DCLK1: variants seen among roughly 807,000 people sequenced by gnomAD.
DCLK1 encodes serine/threonine-protein kinase DCLK1.
In DCLK1, 16 loss-of-function variants were observed where a neutral mutation model predicts 86.2. The ratio of observed to expected loss-of-function variants is 0.19; its 90% CI spans 0.13 to 0.28. The LOEUF (loss-of-function observed/expected upper bound fraction) is 0.28. DCLK1 is among the 10% of genes least tolerant of loss of function. The pLI is 1.00. For missense variants in DCLK1, 590 were observed against 940.2 expected, an observed-to-expected ratio of 0.63 and a Z score of 4.87; for synonymous variants, 369 against 370.5, an observed-to-expected ratio of 1.00 and a Z score of 0.05.
At chr13:35,901,020 T>C (rs1435883670) in intron 4 of DCLK1, among the ~76,000 whole-genome samples, 1 of 152,050 alleles carries the variant, frequency 6.6e-6, no homozygotes, top group Non-Finnish European at 1.5e-5. Flanking sequence ...GTTGAGACAG[T>C]GAGAAAGAAA....
chr13:36,119,358 A>C (rs531452113), intron 2 of DCLK1, among the ~76,000 whole-genome samples: 5 of 152,302 alleles, frequency 3.3e-5, no homozygotes, highest in Non-Finnish European at 7.3e-5. Flanking sequence ...GGGAAAAGAA[A>C]ATCACCATTA....
chr13:36,085,788 G>C (rs1363678947), intron 3 of DCLK1, among the ~76,000 whole-genome samples: 1 of 151,312 alleles, frequency 6.6e-6, no homozygotes, highest in East Asian at 2.0e-4. Flanking sequence ...AGGGCAAAAA[G>C]AGAGACACAT....
rs934912562 is a variant in DCLK1 at position 35,771,339 on chromosome 13, G to A, written c.*3196C>T. The A allele has an allele frequency of 6.6e-6, 1 of 152,126 alleles. No homozygotes were observed. 9.4% of individuals were successfully genotyped at this position (152,126 alleles called of 1,614,324 possible). On this transcript the variant is annotated 3_prime_UTR_variant, in exon 17 of 17. Coordinates refer to ENST00000360631, the MANE Select transcript of DCLK1 (RefSeq NM_001330071.2). ...GGTCTCATTGAACACAAAACACCAA[G>A]TGTTTTCAGTAGTTTATTCACATTT...
chr13:35,897,738 T>G (rs1476557576), intron 4 of DCLK1, among the ~76,000 whole-genome samples: 1 of 152,146 alleles, frequency 6.6e-6, no homozygotes, highest in Non-Finnish European at 1.5e-5. Flanking sequence ...ACATTTTAAA[T>G]CATCCACTTA....
chr13:36,107,720 GA>G (rs1885449888), intron 3 of DCLK1, among the ~76,000 whole-genome samples: 1 of 152,094 alleles, frequency 6.6e-6, no homozygotes, highest in Admixed American at 6.6e-5. Context: ...ACGGATTCAA[GA>G]ACCACAGATT....
At chr13:35,998,601 T>C (rs914515649) in intron 3 of DCLK1, among the ~76,000 whole-genome samples, 4 of 152,140 alleles carry the variant, frequency 2.6e-5, no homozygotes, top group South Asian at 2.1e-4. Flanking sequence ...AAAATATTCT[T>C]CCCTCTCTCC....
intron 15 of DCLK1, among the ~76,000 whole-genome samples, chr13:35,802,241 A>G (rs2086935088): frequency 6.6e-6 from 1 of 151,340 alleles, no homozygotes; most frequent in Admixed American, 6.6e-5. Flanking sequence ...CTGAGGCGGG[A>G]GGATTGCCTG....
chr13:35,818,883 A>T (rs2087330949), intron 11 of DCLK1, among the ~76,000 whole-genome samples: 1 of 152,012 alleles, frequency 6.6e-6, no homozygotes, highest in African/African-American at 2.4e-5. Flanking sequence ...ACATACACGC[A>T]TACATACACA....
intron 5 of DCLK1, among the ~76,000 whole-genome samples, chr13:35,870,764 C>A (rs1350752883): frequency 6.6e-6 from 1 of 152,160 alleles, no homozygotes; most frequent in Non-Finnish European, 1.5e-5. Context: ...CTGCAGCAAT[C>A]CCTGCTCCAC....
intron 3 of DCLK1, among the ~76,000 whole-genome samples, chr13:36,025,763 G>C (rs746127489): frequency 1.3e-5 from 2 of 152,152 alleles, no homozygotes; most frequent in African/African-American, 2.4e-5. Context: ...AGATGGGACA[G>C]CTTTTACCAC....
intron 3 of DCLK1, among the ~76,000 whole-genome samples, chr13:35,957,467 A>T (rs1429342664): frequency 6.6e-6 from 1 of 152,184 alleles, no homozygotes; most frequent in Non-Finnish European, 1.5e-5. Flanking sequence ...TGAGGCCCTA[A>T]GAGAGACTTG....
chr13:35,838,065 C>CAAAA (rs748395648), intron 7 of DCLK1, among the ~76,000 whole-genome samples: 1 of 100,388 alleles, frequency 1.0e-5, no homozygotes, highest in Admixed American at 1.2e-4. Flanking sequence ...GACTCCATCT[C>CAAAA]AAAAAAAAAA....
At position 36,019,164 on chromosome 13, in the gene DCLK1, C is replaced by T. The variant is rs74044328; in HGVS notation, c.724-71707G>A. On this transcript the variant is annotated intron_variant, in intron 3 of 16. Coordinates refer to ENST00000360631, the MANE Select transcript of DCLK1 (RefSeq NM_001330071.2). ...ATTAATTTATTTCTGTCATTTTCTC[C>T]AACATTTTAATTAAGCTGTTCCTTA... 5.4e-3 allele frequency among the ~76,000 whole-genome samples: 825 copies of T among 152,158 alleles called. 9 individuals are homozygous for T. The highest frequency in any genetic ancestry group is 0.019 in the African/African-American group (782 of 41,506).
intron 6 of DCLK1, chr13:35,848,258 C>T (rs914956565): frequency 5.1e-6 from 5 of 984,558 alleles, no homozygotes; most frequent in Non-Finnish European, 6.0e-6. Context: ...ATCATAAGTG[C>T]CTATAAATCA....
intron 16 of DCLK1, chr13:35,788,199 C>T: frequency 1.9e-6 from 3 of 1,613,008 alleles, no homozygotes; most frequent in East Asian, 2.2e-5. Flanking sequence ...TGTTGAGCTG[C>T]ACCATCTCAT....
chr13:36,107,484 ATC>A (rs1333623452), intron 3 of DCLK1, among the ~76,000 whole-genome samples: 2 of 152,000 alleles, frequency 1.3e-5, no homozygotes, highest in Non-Finnish European at 2.9e-5. Flanking sequence ...AAAATATAAC[ATC>A]TCTGGGTTTT....
At chr13:35,832,557 T>G (rs73176197) in intron 8 of DCLK1, among the ~76,000 whole-genome samples, 5,025 of 152,208 alleles carry the variant, frequency 0.033, 138 homozygotes, top group Non-Finnish European at 0.054. Context: ...AGCATAAGCC[T>G]GAACTAGGAG....
chr13:36,049,874 A>C (rs1883063454), intron 3 of DCLK1, among the ~76,000 whole-genome samples: 1 of 152,220 alleles, frequency 6.6e-6, no homozygotes, highest in African/African-American at 2.4e-5. Context: ...ATTCAATACA[A>C]ATATGACTGA....
chr13:36,072,781 A>T (rs984812568), intron 3 of DCLK1, among the ~76,000 whole-genome samples: 18 of 152,254 alleles, frequency 1.2e-4, no homozygotes, highest in African/African-American at 4.3e-4. Flanking sequence ...TGTTAAAAAG[A>T]GTCATCCAAA....
Sources: gnomAD v4.1 joint callset for allele counts (sites outside exome capture counted in the v4.1 genomes callset) on GRCh38, gnomAD v4.1.1 for gene constraint, MANE v1.5 for transcripts, NCBI Gene and HGNC (gene_info 2026-07-23, HGNC 2026-07-21) for gene names.